The following VPS13C variants were observed in gnomAD, a reference collection of about 807,000 sequenced individuals.
VPS13C encodes the protein vacuolar protein sorting 13 homolog C.
VPS13C carries 358 observed loss-of-function variants against 456.8 expected under a neutral mutation model. The ratio of observed to expected loss-of-function variants is 0.78; its 90% CI spans 0.72 to 0.86. The LOEUF (loss-of-function observed/expected upper bound fraction) is 0.86. Among genes scored for constraint, VPS13C ranks in the 40% least tolerant of loss-of-function variants. VPS13C has a pLI of 0.00. For missense variants in VPS13C, 4,818 were observed against 4,385.4 expected, an observed-to-expected ratio of 1.10 and a Z score of -2.79; for synonymous variants, 1,578 against 1,486.7, an observed-to-expected ratio of 1.06 and a Z score of -1.41.
At chr15:61,972,836 A>G in intron 26 of VPS13C, 72 bp from the exon 27 acceptor site, 1 of 1,444,772 alleles carries the variant, frequency 6.9e-7, no homozygotes, top group Non-Finnish European at 9.3e-7. Context: ...TCAAATCTAA[A>G]TCTCTAAAAA....
At chr15:62,046,702 C>A (rs750161856) in intron 1 of VPS13C, among the ~76,000 whole-genome samples, 14 of 152,152 alleles carry the variant, frequency 9.2e-5, no homozygotes, top group Non-Finnish European at 1.6e-4. Flanking sequence ...ATTGTTAAGG[C>A]ACTACCATAA....
intron 67 of VPS13C, among the ~76,000 whole-genome samples, chr15:61,885,261 A>C (rs1896185246): frequency 6.6e-6 from 1 of 152,110 alleles, no homozygotes; most frequent in Non-Finnish European, 1.5e-5. Context: ...TTGTCTTCTA[A>C]TTTTAGCTTG....
chr15:61,976,299 T>C (rs543380970), intron 24 of VPS13C, among the ~76,000 whole-genome samples: 88 of 152,132 alleles, frequency 5.8e-4, no homozygotes, highest in Middle Eastern at 3.4e-3. Context: ...AAATTAATTA[T>C]GCTGAATAAA....
At chr15:61,928,414 A>G (rs2043940932) in intron 51 of VPS13C, among the ~76,000 whole-genome samples, 1 of 152,174 alleles carries the variant, frequency 6.6e-6, no homozygotes, top group Admixed American at 6.5e-5. Flanking sequence ...TATAATCTAT[A>G]CTGTAAATAT....
intron 1 of VPS13C, among the ~76,000 whole-genome samples, chr15:62,058,139 C>G (rs2048861707): frequency 6.6e-6 from 1 of 152,016 alleles, no homozygotes; most frequent in Non-Finnish European, 1.5e-5. Flanking sequence ...AACTAAGGCC[C>G]AATAAGGTAA....
At chr15:61,944,440 A>G (rs1449499339) in intron 45 of VPS13C, among the ~76,000 whole-genome samples, 1 of 152,196 alleles carries the variant, frequency 6.6e-6, no homozygotes, top group Non-Finnish European at 1.5e-5. Context: ...ACACCATGAA[A>G]TGCTACACAG....
intron 16 of VPS13C, among the ~76,000 whole-genome samples, chr15:61,998,432 G>A (rs2046467440): frequency 6.6e-6 from 1 of 151,984 alleles, no homozygotes; most frequent in East Asian, 1.9e-4. Flanking sequence ...AAATGATAAT[G>A]ACAATGAAAA....
At chr15:61,856,620 C>A in intron 82 of VPS13C, 2 of 324,340 alleles carry the variant, frequency 6.2e-6, no homozygotes, top group Non-Finnish European at 1.1e-5. Flanking sequence ...AAAGTAGACT[C>A]AAAAATTCCC....
chr15:62,008,728 C>T lies in VPS13C; in HGVS notation c.1045G>A (p.Asp349Asn). The T allele has an allele frequency of 6.2e-7, 1 of 1,605,346 alleles. No individual in the cohort carries two copies. The highest frequency in any genetic ancestry group is 8.5e-7 in the Non-Finnish European group (1 of 1,175,520). ...TAAGGCGCATTCCTAACCATATAAT[C>T]CACTGACTCCAAAAGGTCAATCATA... ...LSMIDLLESV[D>N]YMVRNAPYRK... The change falls in exon 14 of 85, where the codon GAT becomes AAT. Residue 349 changes from aspartate to asparagine, a missense_variant. Physicochemically the swap from Asp to Asn is conservative, Grantham distance 23. Transcript: ENST00000644861.
chr15:61,905,662 A>G (rs1435885513), intron 66 of VPS13C, among the ~76,000 whole-genome samples: 1 of 152,122 alleles, frequency 6.6e-6, no homozygotes, highest in African/African-American at 2.4e-5. Flanking sequence ...ATACTTTCTT[A>G]GGTTTCTTTC....
In VPS13C at chr15:61,878,784, A is replaced by G. The variant is rs751845036; in HGVS notation, c.10003-38T>C. The G allele has an allele frequency of 1.2e-5, 19 of 1,566,794 alleles. No homozygotes were observed. In the Admixed American group the frequency reaches 1.5e-4, roughly 13 times the overall value. On this transcript the variant is annotated intron_variant, in intron 73 of 84. Coordinates refer to ENST00000644861, the MANE Select transcript of VPS13C (RefSeq NM_020821.3). ...TAATGTTCAATAAATGAAAGCTAAAAGTGAAAAATTTACATATTTAGGATC... is the reference window on the plus strand; with the variant it reads ...TAATGTTCAATAAATGAAAGCTAAAGGTGAAAAATTTACATATTTAGGATC...
chr15:61,874,317 C>T (rs1161940326), intron 77 of VPS13C, among the ~76,000 whole-genome samples: 6 of 151,882 alleles, frequency 4.0e-5, no homozygotes, highest in Non-Finnish European at 7.4e-5. Flanking sequence ...CTTCAAATAG[C>T]TAGAAGAGAG....
At chr15:61,891,548 C>A (rs2042651184) in intron 66 of VPS13C, among the ~76,000 whole-genome samples, 2 of 152,158 alleles carry the variant, frequency 1.3e-5, no homozygotes, top group Admixed American at 6.5e-5. Context: ...AGTTATTATT[C>A]CAATATTATC....
chr15:61,949,962 A>G (rs1201919994), intron 41 of VPS13C, among the ~76,000 whole-genome samples: 3 of 152,188 alleles, frequency 2.0e-5, no homozygotes, highest in Non-Finnish European at 4.4e-5. Context: ...GCTTGTATGT[A>G]ATGTCTGTAC....
At chr15:61,985,338 C>A (rs963239554) in intron 18 of VPS13C, among the ~76,000 whole-genome samples, 1 of 152,172 alleles carries the variant, frequency 6.6e-6, no homozygotes. Context: ...CTCACTGCAA[C>A]CTCCACCTCC....
chr15:62,043,308 G>T (rs930951571), intron 2 of VPS13C, among the ~76,000 whole-genome samples: 1 of 152,148 alleles, frequency 6.6e-6, no homozygotes, highest in Non-Finnish European at 1.5e-5. Context: ...AAAGATCAAA[G>T]AAATTAAGAA....
At chr15:62,003,006 C>T (rs2140470654) in intron 15 of VPS13C, among the ~76,000 whole-genome samples, 1 of 152,138 alleles carries the variant, frequency 6.6e-6, no homozygotes, top group Non-Finnish European at 1.5e-5. Flanking sequence ...AATGCGGGCT[C>T]TTTTTTGGTT....
At chr15:61,859,010 G>GA (rs979064905) in intron 82 of VPS13C, among the ~76,000 whole-genome samples, 2 of 151,972 alleles carry the variant, frequency 1.3e-5, no homozygotes, top group Non-Finnish European at 2.9e-5. Context: ...CTGTGGGGTA[G>GA]AAAAAAAGAG....
At chr15:62,009,492 T>A (rs1165660059) in intron 13 of VPS13C, among the ~76,000 whole-genome samples, 1 of 152,216 alleles carries the variant, frequency 6.6e-6, no homozygotes, top group Non-Finnish European at 1.5e-5. Context: ...TTAAATGTAT[T>A]TTAAGTGATG....
Sources: allele counts gnomAD v4.1 joint callset (sites outside exome capture counted in the v4.1 genomes callset), GRCh38; gene constraint gnomAD v4.1.1; transcripts MANE v1.5; gene names NCBI Gene and HGNC (gene_info 2026-07-23, HGNC 2026-07-21).